Variants in PIP5K1B observed in about 807,000 individuals in gnomAD.
The protein encoded by PIP5K1B is phosphatidylinositol-4-phosphate 5-kinase type 1 beta, also known as phosphatidylinositol 4-phosphate 5-kinase type-1 beta.
In PIP5K1B, 42 loss-of-function variants were observed where a neutral mutation model predicts 67.0. The ratio of observed to expected loss-of-function variants is 0.63; its 90% CI spans 0.49 to 0.81. The LOEUF is 0.81. PIP5K1B is among the 30% of genes least tolerant of loss of function. PIP5K1B has a pLI of 0.00. For missense variants in PIP5K1B, 459 were observed against 646.3 expected, an observed-to-expected ratio of 0.71 and a Z score of 3.14; for synonymous variants, 214 against 231.4, an observed-to-expected ratio of 0.92 and a Z score of 0.68.
chr9:68,979,267 T>C (rs1829778608), intron 14 of PIP5K1B, among the ~76,000 whole-genome samples: 1 of 152,232 alleles, frequency 6.6e-6, no homozygotes, highest in Non-Finnish European at 1.5e-5. Context: ...ATAGTCTTAA[T>C]ACTCAAATGT....
intron 1 of PIP5K1B, among the ~76,000 whole-genome samples, chr9:68,736,093 G>T (rs1828723961): frequency 2.0e-5 from 3 of 152,184 alleles, no homozygotes; most frequent in African/African-American, 7.2e-5. Flanking sequence ...TGTCGTGGGA[G>T]CTGTGTACTG....
intron 14 of PIP5K1B, among the ~76,000 whole-genome samples, chr9:68,944,118 G>A (rs1362289492): frequency 6.6e-6 from 1 of 152,108 alleles, no homozygotes; most frequent in East Asian, 1.9e-4. Flanking sequence ...TTCACAAGTT[G>A]CACTGTGCAG....
At chr9:68,878,013 C>CTGTGTGTG (rs35871698) in intron 6 of PIP5K1B, among the ~76,000 whole-genome samples, 16,612 of 141,896 alleles carry the variant, frequency 0.12, 1,125 homozygotes, top group Non-Finnish European at 0.16. Flanking sequence ...CGCATTTGTT[C>CTGTGTGTG]TGTGTGTGTG....
intron 13 of PIP5K1B, among the ~76,000 whole-genome samples, chr9:68,939,366 C>T (rs1827440707): frequency 6.6e-6 from 1 of 152,118 alleles, no homozygotes; most frequent in South Asian, 2.1e-4. Flanking sequence ...GCTCCACCTA[C>T]CTTATAAGGA....
At chr9:68,739,123 G>A (rs1828880550) in intron 1 of PIP5K1B, among the ~76,000 whole-genome samples, 1 of 152,152 alleles carries the variant, frequency 6.6e-6, no homozygotes, top group African/African-American at 2.4e-5. Context: ...TGATTCTGCT[G>A]TAATCTTTAT....
intron 2 of PIP5K1B, among the ~76,000 whole-genome samples, chr9:68,786,446 AG>A (rs1487060332): frequency 6.6e-5 from 10 of 150,626 alleles, no homozygotes; most frequent in Admixed American, 6.6e-4. Flanking sequence ...TTTTGAATTT[AG>A]GCCCTTTTGG....
intron 14 of PIP5K1B, among the ~76,000 whole-genome samples, chr9:68,980,867 C>T (rs63565460): frequency 0.1 from 15,114 of 151,234 alleles, 957 homozygotes; most frequent in East Asian, 0.31. Context: ...ACTTAGGGGG[C>T]AAAAAAAAGA....
intron 2 of PIP5K1B, among the ~76,000 whole-genome samples, chr9:68,763,730 T>C (rs1462203699): frequency 6.6e-6 from 1 of 152,134 alleles, no homozygotes; most frequent in Admixed American, 6.5e-5. Context: ...TGAAGAAAAA[T>C]GCCATTTTAT....
intron 2 of PIP5K1B, among the ~76,000 whole-genome samples, chr9:68,798,562 A>G (rs1002073158): frequency 2.6e-5 from 4 of 152,066 alleles, no homozygotes; most frequent in Admixed American, 2.6e-4. Flanking sequence ...ATCATGGGCA[A>G]GGGGGAGGCA....
At position 68,909,813 on chromosome 9, in the gene PIP5K1B, G is replaced by A. The variant is rs544488075; in HGVS notation, c.772-7735G>A. Among the ~76,000 whole-genome samples, 4 of 152,304 alleles carry A rather than the reference G, an allele frequency of 2.6e-5. No homozygotes were observed. The East Asian group carries it at 5.8e-4, about 22-fold the overall frequency. ...GAATGCCTTTCTTTCTGCAATGTTAGTACCTGTTGATGACCACTGATTAGA... is the reference window on the plus strand; with the variant it reads ...GAATGCCTTTCTTTCTGCAATGTTAATACCTGTTGATGACCACTGATTAGA... On this transcript the variant is annotated intron_variant, in intron 8 of 15. Coordinates refer to ENST00000265382, the MANE Select transcript of PIP5K1B (RefSeq NM_003558.4).
intron 12 of PIP5K1B, among the ~76,000 whole-genome samples, chr9:68,925,687 T>G (rs1405690922): frequency 6.6e-6 from 1 of 152,072 alleles, no homozygotes; most frequent in Non-Finnish European, 1.5e-5. Context: ...TGCTGTCAAA[T>G]TGACATCACC....
At chr9:68,992,457 A>T (rs963343012) in intron 15 of PIP5K1B, among the ~76,000 whole-genome samples, 1 of 152,120 alleles carries the variant, frequency 6.6e-6, no homozygotes, top group Non-Finnish European at 1.5e-5. Context: ...ATGCTTTTCC[A>T]TATCCCTGAC....
At chr9:69,000,569 G>A (rs6560487) in intron 15 of PIP5K1B, among the ~76,000 whole-genome samples, 7,408 of 152,102 alleles carry the variant, frequency 0.049, 514 homozygotes, top group African/African-American at 0.15. Context: ...CTAGCCTTTC[G>A]CTGGTTTGTA....
At chr9:68,837,781 T>G (rs1412016930) in intron 4 of PIP5K1B, among the ~76,000 whole-genome samples, 1 of 151,972 alleles carries the variant, frequency 6.6e-6, no homozygotes, top group Non-Finnish European at 1.5e-5. Flanking sequence ...CAAAAATTTC[T>G]TAGTGATGTT....
intron 4 of PIP5K1B, among the ~76,000 whole-genome samples, chr9:68,832,596 A>G (rs1834378661): frequency 6.6e-6 from 1 of 152,206 alleles, no homozygotes; most frequent in Admixed American, 6.5e-5. Flanking sequence ...TTAAGGAAGG[A>G]AAAGAAGATG....
chr9:68,827,998 T>A (rs527790663), intron 4 of PIP5K1B, among the ~76,000 whole-genome samples: 1 of 152,304 alleles, frequency 6.6e-6, no homozygotes, highest in African/African-American at 2.4e-5. Flanking sequence ...CAGTGACATA[T>A]GCCAGGTTAC....
At chr9:68,729,588 A>G (rs536911641) in intron 1 of PIP5K1B, among the ~76,000 whole-genome samples, 23 of 152,322 alleles carry the variant, frequency 1.5e-4, no homozygotes, top group African/African-American at 5.3e-4. Context: ...CCGAATATGT[A>G]AGGTATGTGT....
Position 68,758,674 on chromosome 9 carries a change from G to A in PIP5K1B, c.-86+16017G>A, listed in dbSNP as rs577468793. ...ATGGCATCAGAACCCCAGGAAAAGA[G>A]AGGAAAAAAAGTATGGCACTGGAAT... On this transcript the variant is annotated intron_variant, in intron 2 of 15. Coordinates refer to ENST00000265382, the MANE Select transcript of PIP5K1B (RefSeq NM_003558.4). Among the ~76,000 whole-genome samples, 21 of 151,964 alleles carry A rather than the reference G, an allele frequency of 1.4e-4. No homozygotes were observed. The South Asian group carries it at 3.9e-3, about 28-fold the overall frequency.
chr9:68,977,509 C>G (rs1393033765), intron 14 of PIP5K1B, among the ~76,000 whole-genome samples: 3 of 152,076 alleles, frequency 2.0e-5, no homozygotes, highest in Non-Finnish European at 4.4e-5. Flanking sequence ...GGTGATAGAG[C>G]AAGACTTTGT....
Sources: allele counts gnomAD v4.1 joint callset (sites outside exome capture counted in the v4.1 genomes callset), GRCh38; gene constraint gnomAD v4.1.1; transcripts MANE v1.5; gene names NCBI Gene and HGNC (gene_info 2026-07-23, HGNC 2026-07-21).